The following MFAP5 variants were observed in gnomAD, a reference collection of about 807,000 sequenced individuals.
MFAP5 encodes the protein microfibril associated protein 5.
MFAP5 carries 19 observed loss-of-function variants against 30.1 expected under a neutral mutation model. The observed-to-expected ratio is 0.63, with a 90% CI of 0.44 to 0.93. The LOEUF (loss-of-function observed/expected upper bound fraction) is 0.93. Among genes scored for constraint, MFAP5 ranks in the 40% least tolerant of loss-of-function variants. The pLI is 0.00. For missense variants in MFAP5, 210 were observed against 221.3 expected, an observed-to-expected ratio of 0.95 and a Z score of 0.32; for synonymous variants, 92 against 72.9, an observed-to-expected ratio of 1.26 and a Z score of -1.33.
At chr12:8,661,988 C>A (rs1468403494) in intron 2 of MFAP5, 59 bp downstream of exon 2, 2 of 1,504,192 alleles carry the variant, frequency 1.3e-6, no homozygotes, top group Admixed American at 3.4e-5. Context: ...CCATCTCCTG[C>A]CACACACGTG....
rs748016627 is a variant in MFAP5, at chr12:8,646,846, G to T, written c.*1245C>A. The T allele has an allele frequency of 1.3e-5, 2 of 152,164 alleles. No homozygotes were observed. The highest frequency in any genetic ancestry group is 4.8e-5 in the African/African-American group (2 of 41,512). 9.4% of individuals were successfully genotyped at this position (152,164 alleles called of 1,614,324 possible). A position where few individuals can be genotyped will look rare whatever the true frequency, so the allele number is the denominator to read the frequency against. ...GATGGGGTTTCACCATGTTGGCCAG[G>T]CTCGTCTCAAATTTCTGACCTCAAG... is the stretch of plus-strand genomic sequence containing the variant. On this transcript the variant is annotated 3_prime_UTR_variant, in exon 10 of 10. Coordinates refer to ENST00000359478, the MANE Select transcript of MFAP5 (RefSeq NM_003480.4).
Position 8,649,559 on chromosome 12 carries a change from G to C in MFAP5, c.351C>G (p.Tyr117Ter). ...QLCFTSLRRM[Y>*]IVNKEICSRL... ...GAGAGCAGATCTCCTTGTTGACGAT[G>C]TACATACGTCGTAAACTGCAGACGT... Residue 117 changes from tyrosine (Y) to a stop codon, truncating the protein, a stop_gained, in exon 9 of 10, where the codon TAC (tyrosine) becomes TAG (stop). Transcript: ENST00000359478. LOFTEE classifies it high-confidence loss of function. 1 of 1,613,984 alleles carries C rather than the reference G, an allele frequency of 6.2e-7. No individual in the cohort carries two copies. Among genetic ancestry groups the C allele is most frequent in the Non-Finnish European group, 8.5e-7 (1 of 1,179,962 alleles).
rs1012086582 is a variant in MFAP5 at position 8,646,422 on chromosome 12, A to T, written c.*1669T>A. 5.3e-5 allele frequency: 8 copies of T among 152,322 alleles called. No individual in the cohort carries two copies. Among genetic ancestry groups the T allele is most frequent in the African/African-American group, 1.9e-4 (8 of 41,566 alleles). The allele number at this position is 152,322 out of a possible 1,614,324, so 9.4% of individuals were successfully genotyped here. On this transcript the variant is annotated 3_prime_UTR_variant, in exon 10 of 10. Coordinates refer to ENST00000359478, the MANE Select transcript of MFAP5 (RefSeq NM_003480.4). ...GGCTTTTATAGAAAGTTATTGAGTT[A>T]GTCAGACAGAAGGATTCATGATATA...
At chr12:8,660,303 C>G (rs1942112601) in intron 3 of MFAP5, among the ~76,000 whole-genome samples, 1 of 151,588 alleles carries the variant, frequency 6.6e-6, no homozygotes, top group Non-Finnish European at 1.5e-5. Flanking sequence ...ATTCTCATGC[C>G]TCAGCCTCCT....
chr12:8,648,535 C>T (rs781522532), intron 9 of MFAP5: 3 of 1,287,650 alleles, frequency 2.3e-6, no homozygotes, highest in African/African-American at 1.5e-5. Context: ...TATCCAGCTG[C>T]CAATTCTTCT....
intron 3 of MFAP5, among the ~76,000 whole-genome samples, chr12:8,659,013 G>A (rs1942077884): frequency 1.8e-5 from 2 of 110,732 alleles, no homozygotes; most frequent in Admixed American, 9.2e-5. Flanking sequence ...TTTTTTTTAA[G>A]AGATAGGGTC....
intron 1 of MFAP5, chr12:8,662,389 T>C (rs776042100): frequency 5.6e-6 from 2 of 357,160 alleles, no homozygotes; most frequent in Non-Finnish European, 1.0e-5. Context: ...TACTTGGCCC[T>C]ACCCTTTGGC....
At chr12:8,653,098 A>G (rs1481635676) in intron 6 of MFAP5, among the ~76,000 whole-genome samples, 3 of 151,928 alleles carry the variant, frequency 2.0e-5, no homozygotes, top group Non-Finnish European at 4.4e-5. Flanking sequence ...AGGCTGAAGC[A>G]GGAGAATTGC....
At chr12:8,659,681 T>A (rs762962622) in intron 3 of MFAP5, among the ~76,000 whole-genome samples, 27 of 152,052 alleles carry the variant, frequency 1.8e-4, no homozygotes, top group Admixed American at 1.4e-3. Flanking sequence ...AGAAAAAAAA[T>A]TTTTGTATTT....
chr12:8,656,591 T>TATATATATATATATATAC (rs1456030332), intron 3 of MFAP5, among the ~76,000 whole-genome samples: 3 of 130,876 alleles, frequency 2.3e-5, no homozygotes, highest in African/African-American at 9.5e-5. Flanking sequence ...TATATATATA[T>TATATATATATATATATAC]ACACACACAC....
At chr12:8,649,610 A>G in intron 8 of MFAP5, 36 bp from the exon 9 acceptor site, 1 of 1,590,256 alleles carries the variant, frequency 6.3e-7, no homozygotes, top group South Asian at 1.1e-5. Flanking sequence ...AAGGAAGGAG[A>G]TGGAAGAAAG....
chr12:8,651,637 G>C (rs1332434182), intron 7 of MFAP5, 25 bp downstream of exon 7: 1 of 1,612,874 alleles, frequency 6.2e-7, no homozygotes, highest in Non-Finnish European at 8.5e-7. Context: ...AAAGGCTTAA[G>C]AAGGCATGCA....
At chr12:8,658,325 G>A (rs1026163763) in intron 3 of MFAP5, among the ~76,000 whole-genome samples, 2 of 152,102 alleles carry the variant, frequency 1.3e-5, no homozygotes, top group African/African-American at 4.8e-5. Context: ...ACTCCAGCCT[G>A]GGACAGAGTG....
intron 3 of MFAP5, among the ~76,000 whole-genome samples, chr12:8,656,411 T>C (rs955418907): frequency 2.1e-5 from 3 of 143,908 alleles, no homozygotes; most frequent in African/African-American, 7.9e-5. Context: ...TAAAAGGTAG[T>C]ATTGATTTTT....
chr12:8,653,927 C>T (rs1941908466), intron 6 of MFAP5, among the ~76,000 whole-genome samples: 1 of 152,086 alleles, frequency 6.6e-6, no homozygotes, highest in Admixed American at 6.6e-5. Context: ...GAGTTCAAGA[C>T]CTGCCTGGCC....
At chr12:8,653,431 A>T (rs1034589992) in intron 6 of MFAP5, among the ~76,000 whole-genome samples, 1 of 152,182 alleles carries the variant, frequency 6.6e-6, no homozygotes, top group Admixed American at 6.5e-5. Flanking sequence ...GTGGGGTGTG[A>T]TCCTTCCAAT....
In MFAP5 at chr12:8,662,086, T is replaced by G. The variant is rs759334210; in HGVS notation, c.19A>C (p.Lys7Gln). 6.2e-6 allele frequency: 10 copies of G among 1,613,636 alleles called. No homozygotes were observed. The highest frequency in any genetic ancestry group is 8.5e-6 in the Non-Finnish European group (10 of 1,180,000). MSLLGP[K>Q]VLLFLAAFII... ...AATGCAGCAAGAAACAGCAGCACCT[T>G]GGGTCCCAAGAGCGACATATCTATA... Residue 7 changes from lysine (K) to glutamine (Q), a missense_variant, in exon 2 of 10, where the codon AAG (lysine) becomes CAG (glutamine). Physicochemically the swap from Lys to Gln is moderately conservative, Grantham distance 53. Coordinates refer to ENST00000359478, the MANE Select transcript of MFAP5 (RefSeq NM_003480.4).
intron 6 of MFAP5, among the ~76,000 whole-genome samples, chr12:8,653,170 C>T (rs779112218): frequency 7.0e-6 from 1 of 142,570 alleles, no homozygotes; most frequent in Non-Finnish European, 1.5e-5. Flanking sequence ...CCAGCCTGGG[C>T]AACAAGACCA....
intron 4 of MFAP5, 36 bp downstream of exon 4, chr12:8,655,750 A>C: frequency 6.3e-7 from 1 of 1,597,274 alleles, no homozygotes; most frequent in East Asian, 2.2e-5. Context: ...CCCCAATAAA[A>C]CAGCAAACAA....
Sources: gnomAD v4.1 joint callset for allele counts (sites outside exome capture counted in the v4.1 genomes callset) on GRCh38, gnomAD v4.1.1 for gene constraint, MANE v1.5 for transcripts, NCBI Gene and HGNC (gene_info 2026-07-23, HGNC 2026-07-21) for gene names.